The following RBMS1 variants were observed in gnomAD, a reference collection of about 807,000 sequenced individuals.
The protein encoded by RBMS1 is RNA binding motif single stranded interacting protein 1.
In RBMS1, 17 loss-of-function variants were observed where a neutral mutation model predicts 62.3. The observed-to-expected ratio is 0.27, with a 90% CI of 0.19 to 0.41. The LOEUF (loss-of-function observed/expected upper bound fraction) is 0.41, where lower values mean the gene tolerates loss of function less well. Among genes scored for constraint, RBMS1 ranks in the 10% least tolerant of loss-of-function variants. RBMS1 has a pLI of 1.00. For synonymous variants in RBMS1, 172 were observed against 170.0 expected, an observed-to-expected ratio of 1.01 and a Z score of -0.09; for missense variants, 334 against 504.5, an observed-to-expected ratio of 0.66 and a Z score of 3.24.
rs747843749 is a variant in RBMS1 at position 160,362,516 on chromosome 2, T to C, written c.251+4700A>G. ...GGAGGAGAAGGAGACAGAAGGGGAATGACCAGCCAGTGGAGCAGTCAGAAC... is the reference window on the plus strand; with the variant it reads ...GGAGGAGAAGGAGACAGAAGGGGAACGACCAGCCAGTGGAGCAGTCAGAAC... On this transcript the variant is annotated intron_variant, in intron 2 of 13. Transcript: ENST00000348849. Among the ~76,000 whole-genome samples, 3 of 152,192 alleles carry C rather than the reference T, an allele frequency of 2.0e-5. No homozygotes were observed. The South Asian group carries it at 6.2e-4, about 31-fold the overall frequency.
At chr2:160,426,303 AAG>A (rs1682610056) in intron 1 of RBMS1, among the ~76,000 whole-genome samples, 1 of 66,052 alleles carries the variant, frequency 1.5e-5, no homozygotes, top group Non-Finnish European at 3.8e-5. Flanking sequence ...AGAAAGAAGG[AAG>A]GAAGGAAGGA....
intron 2 of RBMS1, among the ~76,000 whole-genome samples, chr2:160,333,044 C>G (rs968857785): frequency 6.6e-6 from 1 of 151,898 alleles, no homozygotes; most frequent in African/African-American, 2.4e-5. Flanking sequence ...CCAGCTCTGG[C>G]ATTAAAATGG....
intron 1 of RBMS1, among the ~76,000 whole-genome samples, chr2:160,422,412 C>G (rs1696469660): frequency 6.6e-6 from 1 of 152,190 alleles, no homozygotes; most frequent in African/African-American, 2.4e-5. Flanking sequence ...ATTCTGTACT[C>G]TTGTTCACAA....
At chr2:160,275,947 A>G (rs988327819) in intron 12 of RBMS1, among the ~76,000 whole-genome samples, 1 of 152,230 alleles carries the variant, frequency 6.6e-6, no homozygotes, top group African/African-American at 2.4e-5. Context: ...TTATCAAGCT[A>G]CAGCATATCA....
At chr2:160,386,376 A>C (rs1559484400) in intron 1 of RBMS1, among the ~76,000 whole-genome samples, 1 of 152,196 alleles carries the variant, frequency 6.6e-6, no homozygotes, top group South Asian at 2.1e-4. Flanking sequence ...TCTTTACTAA[A>C]AATACAAAAC....
chr2:160,383,412 C>T (rs1694385705), intron 1 of RBMS1, among the ~76,000 whole-genome samples: 1 of 146,294 alleles, frequency 6.8e-6, no homozygotes, highest in Non-Finnish European at 1.5e-5. Flanking sequence ...CACCCTATTT[C>T]CAAATAAGGT....
intron 1 of RBMS1, among the ~76,000 whole-genome samples, chr2:160,383,097 C>T (rs913088047): frequency 1.3e-5 from 2 of 152,096 alleles, no homozygotes; most frequent in Non-Finnish European, 2.9e-5. Context: ...CCAATTACTA[C>T]GAACTGGGTA....
chr2:160,317,315 T>C (rs1455673655), intron 3 of RBMS1, among the ~76,000 whole-genome samples: 6 of 152,190 alleles, frequency 3.9e-5, no homozygotes, highest in Admixed American at 2.0e-4. Context: ...CTTGAAAAAC[T>C]GGGGTCTAAT....
At chr2:160,424,042 A>C (rs1696541622) in intron 1 of RBMS1, among the ~76,000 whole-genome samples, 1 of 149,526 alleles carries the variant, frequency 6.7e-6, no homozygotes, top group Non-Finnish European at 1.5e-5. Context: ...TTTTTGAGAC[A>C]GAGTCTCACT....
chr2:160,310,010 C>T (rs190664608), intron 4 of RBMS1, among the ~76,000 whole-genome samples: 3 of 152,288 alleles, frequency 2.0e-5, no homozygotes, highest in East Asian at 1.9e-4. Flanking sequence ...ATCACACACA[C>T]TTAACATCAT....
chr2:160,402,613 A>C (rs1695497746), intron 1 of RBMS1, among the ~76,000 whole-genome samples: 1 of 152,194 alleles, frequency 6.6e-6, no homozygotes, highest in African/African-American at 2.4e-5. Context: ...TACATTCAAG[A>C]GCTACAATTC....
chr2:160,311,225 T>C lies in RBMS1; in HGVS notation c.402+1931A>G, dbSNP rs867769147. ...AAAAAAAAAAATCTATCTATCTATC[T>C]ATCTATCTATATATATATATATATA... On this transcript the variant is annotated intron_variant, in intron 4 of 13. Coordinates refer to ENST00000348849, the MANE Select transcript of RBMS1 (RefSeq NM_016836.4). 9.4e-3 allele frequency among the ~76,000 whole-genome samples: 568 copies of C among 60,138 alleles called. 13 individuals carry two copies. The highest frequency in any genetic ancestry group is 0.037 in the Middle Eastern group (3 of 82). 39.5% of individuals were successfully genotyped at this position (60,138 alleles called of 152,430 possible). A position where few individuals can be genotyped will look rare whatever the true frequency, so the allele number is the denominator to read the frequency against.
chr2:160,407,581 A>G, intron 1 of RBMS1: 2 of 981,772 alleles, frequency 2.0e-6, no homozygotes, highest in Non-Finnish European at 2.4e-6. Flanking sequence ...GGCGCGGGGC[A>G]GCCTCGCCGC....
At chr2:160,422,032 A>T (rs970921760) in intron 1 of RBMS1, among the ~76,000 whole-genome samples, 2 of 152,248 alleles carry the variant, frequency 1.3e-5, no homozygotes, top group Admixed American at 1.3e-4. Context: ...TGTGTCAAAA[A>T]GACAGTTCTA....
At chr2:160,280,745 C>T (rs907254114) in intron 10 of RBMS1, among the ~76,000 whole-genome samples, 1 of 152,086 alleles carries the variant, frequency 6.6e-6, no homozygotes, top group African/African-American at 2.4e-5. Flanking sequence ...ACCCTTCTTC[C>T]ACAAACTAGA....
intron 2 of RBMS1, among the ~76,000 whole-genome samples, chr2:160,354,159 C>T (rs180706259): frequency 2.8e-4 from 42 of 152,152 alleles, no homozygotes; most frequent in African/African-American, 1.0e-3. Context: ...CGTTAACAGC[C>T]ACTTGACTAG....
intron 10 of RBMS1, chr2:160,279,438 C>G (rs1296973520): frequency 1.3e-5 from 2 of 152,160 alleles, no homozygotes; most frequent in Non-Finnish European, 2.9e-5. Flanking sequence ...ACTGCCAGAT[C>G]ATAGCCTCTG....
chr2:160,352,745 C>T (rs780384543), intron 2 of RBMS1, among the ~76,000 whole-genome samples: 1 of 152,106 alleles, frequency 6.6e-6, no homozygotes, highest in African/African-American at 2.4e-5. Flanking sequence ...AGGCCAAGAG[C>T]AGGTACAACT....
At chr2:160,448,447 G>A (rs899460522) in intron 1 of RBMS1, among the ~76,000 whole-genome samples, 4 of 152,232 alleles carry the variant, frequency 2.6e-5, no homozygotes, top group African/African-American at 7.2e-5. Flanking sequence ...GGCGCGCGCA[G>A]CCACGCCTGA....
Sources: gnomAD v4.1 joint callset for allele counts (sites outside exome capture counted in the v4.1 genomes callset) on GRCh38, gnomAD v4.1.1 for gene constraint, MANE v1.5 for transcripts, NCBI Gene and HGNC (gene_info 2026-07-23, HGNC 2026-07-21) for gene names.